PLXND1: variants seen among roughly 807,000 people sequenced by gnomAD.
PLXND1 encodes plexin D1.
PLXND1 carries 54 observed loss-of-function variants against 197.7 expected under a neutral mutation model. That is an observed-to-expected ratio of 0.27 (90% CI 0.22 to 0.34). The LOEUF (loss-of-function observed/expected upper bound fraction) is 0.34, where lower values mean the gene tolerates loss of function less well. Among genes scored for constraint, PLXND1 ranks in the 10% least tolerant of loss-of-function variants. The probability of loss-of-function intolerance (pLI) is 1.00; values close to 1 mark genes in which losing one functional copy is unlikely to be tolerated. For missense variants in PLXND1, 2,127 were observed against 2,699.2 expected (o/e 0.79, Z 4.70); for synonymous variants, 1,180 against 1,161.2 (o/e 1.02, Z -0.33).
chr3:129,600,357 TTCC>T (rs1274984450), intron 1 of PLXND1, among the ~76,000 whole-genome samples: 20 of 152,230 alleles, frequency 1.3e-4, no homozygotes, highest in African/African-American at 4.8e-4. Flanking sequence ...TGCCTGCCAT[TTCC>T]TGGGCACTGC....
chr3:129,573,833 C>A (rs765833300), intron 12 of PLXND1, 88 bp from the exon 13 acceptor site: 3 of 1,432,796 alleles, frequency 2.1e-6, no homozygotes, highest in South Asian at 1.3e-5. Flanking sequence ...CCCAGCAGGG[C>A]ACAGCCGTGC....
In PLXND1 at chr3:129,572,836, C is replaced by T. The variant is rs368270020; in HGVS notation, c.2937+6G>A. On this transcript the variant is annotated splice_donor_region_variant and intron_variant, in intron 14 of 35. Coordinates refer to ENST00000324093, the MANE Select transcript of PLXND1 (RefSeq NM_015103.3). ...GGCCGGACAGTGGGCTGCAGCCCCC[C>T]CTTACCACGTAGGAGAAGCGGTCCC... The T allele has an allele frequency of 3.7e-6, 6 of 1,613,272 alleles. No individual in the cohort carries two copies. Among genetic ancestry groups the T allele is most frequent in the South Asian group, 2.2e-5 (2 of 91,082 alleles).
intron 8 of PLXND1, among the ~76,000 whole-genome samples, chr3:129,580,256 T>A (rs975334845): frequency 4.6e-5 from 7 of 152,024 alleles, no homozygotes; most frequent in African/African-American, 1.7e-4. Flanking sequence ...AGAAGCAGCA[T>A]AGCCAGGCCC....
At position 129,574,456 on chromosome 3, in the gene PLXND1, G is replaced by T; in HGVS notation, c.2565C>A (p.Asp855Glu). 6.2e-7 allele frequency: 1 copy of T among 1,613,166 alleles called. No individual in the cohort carries two copies. Among genetic ancestry groups the T allele is most frequent in the Non-Finnish European group, 8.5e-7 (1 of 1,179,950 alleles). ...CTTCGCGGCCCAGGCACTGGGAACAGTCGGGGCTGCCCATGGCACAGTTAT... is the reference window on the plus strand; with the variant it reads ...CTTCGCGGCCCAGGCACTGGGAACATTCGGGGCTGCCCATGGCACAGTTAT... ...MVYNCAMGSPDCSQCLGREDL... is the reference protein window; with the variant it reads ...MVYNCAMGSPECSQCLGREDL... Residue 855 changes from aspartate (D) to glutamate (E), a missense_variant, in exon 12 of 36, where the codon GAC (aspartate) becomes GAA (glutamate). Asp to Glu is a conservative substitution (Grantham distance 45). This residue lies in a region of PLXND1 where 1,095 missense variants were observed against 1,259.8 expected (regional missense o/e 0.87). Transcript: ENST00000324093.
rs192533360 is a variant in PLXND1 at position 129,599,495 on chromosome 3, C to T, written c.1311+5834G>A. 9.7e-4 allele frequency among the ~76,000 whole-genome samples: 147 copies of T among 152,326 alleles called. 1 individual carries two copies. Among genetic ancestry groups the T allele is most frequent in the Non-Finnish European group, 1.8e-3 (122 of 68,024 alleles). Reference sequence around the variant, plus strand: ...GGCCTCACTGTGGGCGTATCCAGGGCGCTGACAGATCCCCCACTCACCCTC... The same window carrying T: ...GGCCTCACTGTGGGCGTATCCAGGGTGCTGACAGATCCCCCACTCACCCTC... On this transcript the variant is annotated intron_variant, in intron 1 of 35. Coordinates refer to ENST00000324093, the MANE Select transcript of PLXND1 (RefSeq NM_015103.3).
chr3:129,595,905 CT>C (rs900386234), intron 1 of PLXND1, among the ~76,000 whole-genome samples: 1 of 117,984 alleles, frequency 8.5e-6, no homozygotes, highest in African/African-American at 3.2e-5. Flanking sequence ...CCTTACAGCC[CT>C]GGGGGTGCAC....
intron 7 of PLXND1, among the ~76,000 whole-genome samples, 188 bp from the exon 8 acceptor site, chr3:129,583,857 T>G (rs2085419970): frequency 6.6e-6 from 1 of 152,074 alleles, no homozygotes; most frequent in Non-Finnish European, 1.5e-5. Flanking sequence ...CAAATAGGAG[T>G]TAAAAGAGAC....
At chr3:129,598,743 G>A (rs986618729) in intron 1 of PLXND1, among the ~76,000 whole-genome samples, 1 of 152,086 alleles carries the variant, frequency 6.6e-6, no homozygotes, top group Non-Finnish European at 1.5e-5. Context: ...ACACCCCTTC[G>A]GTCAAAGATT....
Position 129,561,664 on chromosome 3 carries a change from C to T in PLXND1, c.4975G>A (p.Asp1659Asn). 1 of 1,608,568 alleles carries T rather than the reference C, an allele frequency of 6.2e-7. No individual in the cohort carries two copies. The highest frequency in any genetic ancestry group is 8.5e-7 in the Non-Finnish European group (1 of 1,177,584). ...SLAMSLIDKK[D>N]NTLGRVKDLD... Reference sequence around the variant, plus strand: ...GCACTACCTCGGCCCAGTGTGTTGTCCTTCTTGTCTATGAGACTCATGGCC... The same window carrying T: ...GCACTACCTCGGCCCAGTGTGTTGTTCTTCTTGTCTATGAGACTCATGGCC... The change falls in exon 29 of 36, where the codon GAC becomes AAC. Residue 1659 changes from aspartate to asparagine, a missense_variant. By Grantham distance (23) the Asp-to-Asn change is conservative. Transcript: ENST00000324093.
At chr3:129,560,869 A>G in intron 29 of PLXND1, 146 bp from the exon 30 acceptor site, 1 of 697,554 alleles carries the variant, frequency 1.4e-6, no homozygotes. Context: ...GGAGAGAGAA[A>G]CAGAAACGGA....
At chr3:129,600,719 C>A (rs9682596) in intron 1 of PLXND1, among the ~76,000 whole-genome samples, 2 of 151,042 alleles carry the variant, frequency 1.3e-5, no homozygotes, top group African/African-American at 4.9e-5. Flanking sequence ...CTGCTTGCAC[C>A]CTTCGTCACT....
chr3:129,575,702 G>A, intron 10 of PLXND1, 64 bp downstream of exon 10: 1 of 1,289,702 alleles, frequency 7.8e-7, no homozygotes, highest in Non-Finnish European at 1.1e-6. Context: ...GGTGGGGTGA[G>A]GGGTACAGCA....
In PLXND1 at chr3:129,575,581, G is replaced by A. The variant is rs1362181129; in HGVS notation, c.2437-19C>T. 2 of 1,532,708 alleles carry A rather than the reference G, an allele frequency of 1.3e-6. No individual in the cohort carries two copies. Among genetic ancestry groups the A allele is most frequent in the East Asian group, 4.9e-5 (2 of 40,960 alleles). The allele number at this position is 1,532,708 out of a possible 1,614,324, so 94.9% of individuals were successfully genotyped here. On this transcript the variant is annotated intron_variant, in intron 10 of 35. Coordinates refer to ENST00000324093, the MANE Select transcript of PLXND1 (RefSeq NM_015103.3). Reference sequence around the variant, plus strand: ...TGTGCAGCTGCAAAAGGGCAGAAAAGAGCATAGGGGGCATGGGCAATGCCT... The same window carrying A: ...TGTGCAGCTGCAAAAGGGCAGAAAAAAGCATAGGGGGCATGGGCAATGCCT...
chr3:129,556,512 C>G lies in PLXND1; in HGVS notation c.5662-84G>C, dbSNP rs567592281. On this transcript the variant is annotated intron_variant, in intron 35 of 35. Transcript: ENST00000324093. ...GAGAGAACACACCCCTGAACGTCTA[C>G]CACGAGTGACATCCGTCCATTAGGG... 6 of 1,340,460 alleles carry G rather than the reference C, an allele frequency of 4.5e-6. No homozygotes were observed. The East Asian group carries it at 1.1e-4, about 26-fold the overall frequency. The allele number at this position is 1,340,460 out of a possible 1,614,324, so 83.0% of individuals were successfully genotyped here.
In PLXND1 at chr3:129,584,430, T is replaced by A. The variant is rs1167127841; in HGVS notation, c.1984A>T (p.Asn662Tyr). Residue 662 changes from asparagine to tyrosine, a missense_variant, in exon 6 of 36, where the codon AAC becomes TAC. Physicochemically the swap from Asn to Tyr is moderately radical, Grantham distance 143. Transcript: ENST00000324093. ...PAFGHQIAYCNLLPRDQFPPF... is the reference protein window; with the variant it reads ...PAFGHQIAYCYLLPRDQFPPF... The stretch of plus-strand genomic sequence containing the variant: ...GGAAACTGGTCCCTCGGCAGGAGGT[T>A]GCAGTAGGCAATCTGGTGACCAAAG... 1 of 1,613,518 alleles carries A rather than the reference T, an allele frequency of 6.2e-7. No individual in the cohort carries two copies. Among genetic ancestry groups the A allele is most frequent in the Non-Finnish European group, 8.5e-7 (1 of 1,179,900 alleles).
chr3:129,566,439 A>T, intron 23 of PLXND1, 88 bp downstream of exon 23: 1 of 805,736 alleles, frequency 1.2e-6, no homozygotes, highest in Non-Finnish European at 2.2e-6. Context: ...GACAGGGATC[A>T]ATGCATTAGA....
At chr3:129,568,218 T>C (rs567300639) in intron 20 of PLXND1, among the ~76,000 whole-genome samples, 14 of 152,304 alleles carry the variant, frequency 9.2e-5, no homozygotes, top group African/African-American at 3.4e-4. Flanking sequence ...CCTTCTACAA[T>C]GACCAGGTGT....
At chr3:129,561,023 A>C in intron 29 of PLXND1, 1 of 538,652 alleles carries the variant, frequency 1.9e-6, no homozygotes, top group Non-Finnish European at 3.5e-6. Flanking sequence ...CAGAGAGAGA[A>C]AGACACACAC....
At chr3:129,586,936 G>A (rs575098781) in intron 2 of PLXND1, among the ~76,000 whole-genome samples, 3 of 152,204 alleles carry the variant, frequency 2.0e-5, no homozygotes, top group Non-Finnish European at 2.9e-5. Flanking sequence ...TTCTGGGCTC[G>A]TCTCCAAGGC....
Sources: allele counts gnomAD v4.1 joint callset (sites outside exome capture counted in the v4.1 genomes callset), GRCh38; gene constraint gnomAD v4.1.1; regional missense constraint gnomAD v4.1.1; transcripts MANE v1.5; gene names NCBI Gene and HGNC (gene_info 2026-07-23, HGNC 2026-07-21).